GALNT10: variants seen among roughly 807,000 people sequenced by gnomAD.
The protein encoded by GALNT10 is polypeptide N-acetylgalactosaminyltransferase 10.
A neutral mutation model predicts 75.0 loss-of-function variants in GALNT10; 41 were observed. That is an observed-to-expected ratio of 0.55 (90% CI 0.43 to 0.71). The LOEUF (loss-of-function observed/expected upper bound fraction) is 0.71, where lower values mean the gene tolerates loss of function less well. Among genes scored for constraint, GALNT10 ranks in the 30% least tolerant of loss-of-function variants. The pLI, the probability that GALNT10 is intolerant of heterozygous loss-of-function variation, is 0.00. For missense variants in GALNT10, 727 were observed against 818.5 expected (o/e 0.89, Z 1.36); for synonymous variants, 302 against 313.0 (o/e 0.96, Z 0.37).
At chr5:154,290,817 G>T (rs933169818) in intron 1 of GALNT10, among the ~76,000 whole-genome samples, 1 of 152,182 alleles carries the variant, frequency 6.6e-6, no homozygotes, top group African/African-American at 2.4e-5. Context: ...CCTTGGTTGG[G>T]TAGCTTGGCT....
intron 1 of GALNT10, among the ~76,000 whole-genome samples, chr5:154,279,289 TGTTGTTGTTG>T (rs1754000932): frequency 6.9e-6 from 1 of 144,822 alleles, no homozygotes; most frequent in Non-Finnish European, 1.5e-5. Context: ...TTGTTGTTGT[TGTTGTTGTTG>T]TTTTGTTTTT....
chr5:154,419,569 AC>A lies in GALNT10; in HGVS notation c.*2600del, dbSNP rs1473482797. The A allele has an allele frequency of 6.6e-6, 1 of 152,046 alleles. No individual in the cohort carries two copies. Among genetic ancestry groups the A allele is most frequent in the Non-Finnish European group, 1.5e-5 (1 of 68,056 alleles). The allele number at this position is 152,046 out of a possible 1,614,324, so 9.4% of individuals were successfully genotyped here. A position where few individuals can be genotyped will look rare whatever the true frequency, so the allele number is the denominator to read the frequency against. ...GTTCTCCTTTCCAGTCTGGGTTCAC[AC>A]CCTGAAAAGGGATGGGTGTGTCCTC... On this transcript the variant is annotated 3_prime_UTR_variant, in exon 12 of 12. Transcript: ENST00000297107.
chr5:154,357,744 G>C (rs1270739468), intron 4 of GALNT10, among the ~76,000 whole-genome samples: 1 of 152,164 alleles, frequency 6.6e-6, no homozygotes, highest in Admixed American at 6.5e-5. Context: ...ATATGCCTTA[G>C]CTGCCTGGCG....
chr5:154,311,884 T>C (rs1328031219), intron 3 of GALNT10, among the ~76,000 whole-genome samples: 1 of 152,112 alleles, frequency 6.6e-6, no homozygotes. Flanking sequence ...AGTGCTGAAA[T>C]TACAGGCATG....
intron 1 of GALNT10, among the ~76,000 whole-genome samples, chr5:154,212,946 C>T (rs867939960): frequency 5.0e-5 from 7 of 140,044 alleles, no homozygotes; most frequent in Non-Finnish European, 9.1e-5. Flanking sequence ...CCAGCCTGGG[C>T]GACAGAGTGA....
intron 6 of GALNT10, among the ~76,000 whole-genome samples, chr5:154,383,048 TATC>T (rs1755756190): frequency 6.6e-6 from 1 of 152,158 alleles, no homozygotes. Context: ...GGGATGCAGG[TATC>T]ATCATTTTTT....
chr5:154,302,609 T>C (rs1486783938), intron 3 of GALNT10, among the ~76,000 whole-genome samples: 1 of 152,202 alleles, frequency 6.6e-6, no homozygotes, highest in African/African-American at 2.4e-5. Flanking sequence ...GTTTCTCCTA[T>C]GCAAAGATTA....
At chr5:154,353,505 G>A (rs1755242475) in intron 4 of GALNT10, among the ~76,000 whole-genome samples, 1 of 152,188 alleles carries the variant, frequency 6.6e-6, no homozygotes, top group Non-Finnish European at 1.5e-5. Context: ...AATGAGCAAC[G>A]TCCCTCAGGC....
chr5:154,198,558 C>G (rs1774980367), intron 1 of GALNT10, among the ~76,000 whole-genome samples: 1 of 152,226 alleles, frequency 6.6e-6, no homozygotes, highest in South Asian at 2.1e-4. Flanking sequence ...TGGGTGCAGT[C>G]TCTGATTATT....
intron 1 of GALNT10, among the ~76,000 whole-genome samples, chr5:154,268,088 T>C (rs914535773): frequency 9.9e-5 from 15 of 152,192 alleles, no homozygotes; most frequent in African/African-American, 3.6e-4. Context: ...TATAACATAG[T>C]GACTTTAGAA....
chr5:154,216,271 G>A (rs1291785508), intron 1 of GALNT10, among the ~76,000 whole-genome samples: 1 of 152,046 alleles, frequency 6.6e-6, no homozygotes, highest in Non-Finnish European at 1.5e-5. Flanking sequence ...AAAAAATACT[G>A]CTATGTGTTA....
In GALNT10 at chr5:154,294,915, G is replaced by A. The variant is rs140354249; in HGVS notation, c.259G>A (p.Val87Ile). ...GGCCATCCGGAGGGACGCTCAGCGC[G>A]TAGGTACGGAGGGCAGGATTGGCCA... Reference protein sequence around the residue: ...KEAIRRDAQRVGNGEQGRPYP... With the variant: ...KEAIRRDAQRIGNGEQGRPYP... Residue 87 changes from valine (V) to isoleucine (I), a missense_variant, in exon 2 of 12, where the codon GTA (valine) becomes ATA (isoleucine). Coordinates refer to ENST00000297107, the MANE Select transcript of GALNT10 (RefSeq NM_198321.4). The A allele has an allele frequency of 1.8e-5, 27 of 1,513,322 alleles. 1 individual carries two copies. The highest frequency in any genetic ancestry group is 5.5e-5 in the African/African-American group (4 of 72,960). 93.7% of individuals were successfully genotyped at this position (1,513,322 alleles called of 1,614,324 possible).
chr5:154,345,628 CTTTTTTTTTTTTT>C (rs751597207), intron 4 of GALNT10, among the ~76,000 whole-genome samples: 1 of 118,532 alleles, frequency 8.4e-6, no homozygotes, highest in East Asian at 2.4e-4. Context: ...AAATTTCCAC[CTTTTTTTTTTTTT>C]TTTTTTTTTT....
intron 4 of GALNT10, among the ~76,000 whole-genome samples, chr5:154,355,252 C>T (rs76762598): frequency 1.3e-5 from 2 of 152,202 alleles, no homozygotes; most frequent in Non-Finnish European, 2.9e-5. Context: ...GCTCCTCCCC[C>T]CTCACCCTCT....
At chr5:154,312,807 G>C (rs1447687098) in intron 3 of GALNT10, among the ~76,000 whole-genome samples, 1 of 152,194 alleles carries the variant, frequency 6.6e-6, no homozygotes, top group Non-Finnish European at 1.5e-5. Context: ...CTGGCAGCTG[G>C]CAGCTCACTG....
chr5:154,279,470 A>ATTTTTTTTT (rs1754006279), intron 1 of GALNT10, among the ~76,000 whole-genome samples: 1 of 151,582 alleles, frequency 6.6e-6, no homozygotes, highest in Admixed American at 6.6e-5. Flanking sequence ...CACCCAGCTA[A>ATTTTTTTTT]TTTTGTATTT....
intron 1 of GALNT10, among the ~76,000 whole-genome samples, chr5:154,234,923 T>G (rs1350007236): frequency 6.6e-6 from 1 of 152,260 alleles, no homozygotes; most frequent in Non-Finnish European, 1.5e-5. Flanking sequence ...GAGAGTGGAC[T>G]AGACACCCTT....
chr5:154,274,495 T>C (rs1753919741), intron 1 of GALNT10, among the ~76,000 whole-genome samples: 1 of 152,192 alleles, frequency 6.6e-6, no homozygotes. Flanking sequence ...ACTATAGGTC[T>C]AAGTGCCTGG....
chr5:154,323,386 G>T (rs1754705422), intron 3 of GALNT10, among the ~76,000 whole-genome samples: 1 of 151,910 alleles, frequency 6.6e-6, no homozygotes, highest in Admixed American at 6.6e-5. Context: ...AAAAAAAAAT[G>T]TAAAAGTCAT....
Sources: gnomAD v4.1 joint callset for allele counts (sites outside exome capture counted in the v4.1 genomes callset) on GRCh38, gnomAD v4.1.1 for gene constraint, MANE v1.5 for transcripts, NCBI Gene and HGNC (gene_info 2026-07-23, HGNC 2026-07-21) for gene names.